Variants in MYH11 observed in about 807,000 individuals in gnomAD.
MYH11 encodes myosin-11.
A neutral mutation model predicts 246.6 loss-of-function variants in MYH11; 80 were observed. That is an observed-to-expected ratio of 0.32 (90% confidence interval 0.27 to 0.39). MYH11 has a LOEUF of 0.39. MYH11 is among the 10% of genes least tolerant of loss of function. The probability of loss-of-function intolerance (pLI) is 1.00; values close to 1 mark genes in which losing one functional copy is unlikely to be tolerated. For synonymous variants in MYH11, 1,071 were observed against 1,015.5 expected, an observed-to-expected ratio of 1.05 and a Z score of -1.04; for missense variants, 2,158 against 2,546.8, an observed-to-expected ratio of 0.85 and a Z score of 3.29.
chr16:15,736,038 T>C (rs927762251), intron 25 of MYH11, among the ~76,000 whole-genome samples: 2 of 152,176 alleles, frequency 1.3e-5, no homozygotes, highest in Non-Finnish European at 2.9e-5. Flanking sequence ...AGACTGGGGC[T>C]CTGCATCTGG....
At chr16:15,706,525 T>C (rs1257356868) in intron 40 of MYH11, among the ~76,000 whole-genome samples, 1 of 152,142 alleles carries the variant, frequency 6.6e-6, no homozygotes, top group African/African-American at 2.4e-5. Context: ...CTGGCCAATA[T>C]GGTGAAACCC....
chr16:15,730,458 T>C (rs982198621), intron 27 of MYH11, among the ~76,000 whole-genome samples: 14 of 151,680 alleles, frequency 9.2e-5, no homozygotes, highest in Non-Finnish European at 1.6e-4. Context: ...AGGAGAATCA[T>C]TTGAACCCAG....
intron 4 of MYH11, among the ~76,000 whole-genome samples, 153 bp downstream of exon 4, chr16:15,798,507 A>C (rs926927832): frequency 6.6e-6 from 1 of 151,570 alleles, no homozygotes; most frequent in Non-Finnish European, 1.5e-5. Flanking sequence ...GAGCATCTAC[A>C]TGGTGCCAGG....
Position 15,703,567 on chromosome 16 carries a change from C to T in MYH11, c.*424G>A, listed in dbSNP as rs991022927. 6.0e-6 allele frequency: 2 copies of T among 335,644 alleles called. No individual in the cohort carries two copies. Among genetic ancestry groups the T allele is most frequent in the Non-Finnish European group, 1.1e-5 (2 of 178,198 alleles). The allele number at this position is 335,644 out of a possible 1,614,324, so 20.8% of individuals were successfully genotyped here. ...TACATCATACAAACTTCAATTTTTA[C>T]CTTGAATACAGGGGTAGTAGGGGTG... On this transcript the variant is annotated 3_prime_UTR_variant, in exon 41 of 41. Transcript: ENST00000300036.
Position 15,756,416 on chromosome 16 carries a change from G to C in MYH11, c.1674C>G (p.Gly558=). 1 of 1,614,172 alleles carries C rather than the reference G, an allele frequency of 6.2e-7. No individual in the cohort carries two copies. The highest frequency in any genetic ancestry group is 8.5e-7 in the Non-Finnish European group (1 of 1,180,034). Residue 558 remains glycine, a synonymous_variant, in exon 14 of 41, where the codon GGC becomes GGG. Transcript: ENST00000300036. Reference sequence around the variant, plus strand: ...TGGGCTTCTGGAACTTGGGGTGGCTGCCCTGCTCCGTGCACAGCTTCTCCA... The same window carrying C: ...TGGGCTTCTGGAACTTGGGGTGGCTCCCCTGCTCCGTGCACAGCTTCTCCA... ...SFVEKLCTEQ[G]SHPKFQKPKQ... is the part of the protein sequence containing the mutation.
intron 1 of MYH11, among the ~76,000 whole-genome samples, chr16:15,840,272 G>A (rs984038225): frequency 6.6e-6 from 1 of 152,068 alleles, no homozygotes; most frequent in Non-Finnish European, 1.5e-5. Flanking sequence ...ATATTACATC[G>A]TTTCCAAGAG....
At chr16:15,751,461 CCAT>C (rs377609666) in intron 15 of MYH11, among the ~76,000 whole-genome samples, 4,941 of 150,064 alleles carry the variant, frequency 0.033, 262 homozygotes, top group African/African-American at 0.11. Flanking sequence ...CCGCGCCCGG[CCAT>C]CATCATCATC....
rs1315691243 is a variant in MYH11 at position 15,703,337 on chromosome 16, G to A, written c.*654C>T. On this transcript the variant is annotated 3_prime_UTR_variant, in exon 41 of 41. Coordinates refer to ENST00000300036, the MANE Select transcript of MYH11 (RefSeq NM_002474.3). The stretch of plus-strand genomic sequence containing the variant: ...AATTCTCAAAGGCCTGACGTGAGAA[G>A]TTGGAAAGGTTTGCAGGTTAGGGAA... 3 of 232,332 alleles carry A rather than the reference G, an allele frequency of 1.3e-5. No individual in the cohort carries two copies. The Admixed American group carries it at 1.6e-4, about 12-fold the overall frequency. 14.4% of individuals were successfully genotyped at this position (232,332 alleles called of 1,614,324 possible). A position where few individuals can be genotyped will look rare whatever the true frequency, so the allele number is the denominator to read the frequency against.
intron 3 of MYH11, among the ~76,000 whole-genome samples, chr16:15,808,182 G>A (rs1474185438): frequency 6.6e-6 from 1 of 152,222 alleles, no homozygotes; most frequent in Non-Finnish European, 1.5e-5. Context: ...AGAGGTTCTG[G>A]ATCTTCTGTG....
intron 10 of MYH11, 55 bp downstream of exon 10, chr16:15,763,741 T>TCGCCCCCCCCCCCCCC: frequency 3.1e-6 from 2 of 646,844 alleles, no homozygotes; most frequent in Non-Finnish European, 5.8e-6. Flanking sequence ...AAATGTCACC[T>TCGCCCCCCCCCCCCCC]CCCCCACCCC....
At chr16:15,710,258 C>A (rs1199307306) in intron 40 of MYH11, among the ~76,000 whole-genome samples, 2 of 152,146 alleles carry the variant, frequency 1.3e-5, no homozygotes, top group Admixed American at 6.5e-5. Flanking sequence ...CATGGTGGCT[C>A]ACGCCTGTAA....
chr16:15,758,021 C>T (rs1418800819), intron 12 of MYH11, 21 bp from the exon 13 acceptor site: 19 of 1,612,766 alleles, frequency 1.2e-5, no homozygotes, highest in African/African-American at 8.0e-5. Context: ...GGCGTGGGGG[C>T]GGGGCGTGAG....
At chr16:15,839,869 G>T (rs1308965632) in intron 1 of MYH11, among the ~76,000 whole-genome samples, 1 of 151,922 alleles carries the variant, frequency 6.6e-6, no homozygotes, top group Non-Finnish European at 1.5e-5. Context: ...TGCCCAATGT[G>T]GTAAAACCCC....
chr16:15,778,890 C>T (rs756968950), intron 6 of MYH11, 47 bp from the exon 7 acceptor site: 26 of 1,586,968 alleles, frequency 1.6e-5, no homozygotes, highest in Non-Finnish European at 2.1e-5. Flanking sequence ...CAACTTCAGC[C>T]GTTAACCCCA....
Position 15,738,697 on chromosome 16 carries a change from G to A in MYH11, c.2998-9C>T. The A allele has an allele frequency of 6.2e-7, 1 of 1,613,156 alleles. No homozygotes were observed. The highest frequency in any genetic ancestry group is 8.5e-7 in the Non-Finnish European group (1 of 1,179,478). On this transcript the variant is annotated splice_polypyrimidine_tract_variant and intron_variant, in intron 23 of 40. Coordinates refer to ENST00000300036, the MANE Select transcript of MYH11 (RefSeq NM_002474.3). The stretch of plus-strand genomic sequence containing the variant: ...TCAAGGAGTTTTCGTTCCTTTTTGG[G>A]GAAAGAGAAAGAGATAGCTTTAGGA...
intron 15 of MYH11, among the ~76,000 whole-genome samples, chr16:15,753,188 G>A (rs1054393222): frequency 2.3e-4 from 35 of 152,028 alleles, no homozygotes; most frequent in African/African-American, 8.5e-4. Context: ...CAATCCCCTC[G>A]GGACATGTAG....
At chr16:15,821,105 C>T (rs1350581300) in intron 3 of MYH11, among the ~76,000 whole-genome samples, 2 of 152,310 alleles carry the variant, frequency 1.3e-5, no homozygotes, top group East Asian at 1.9e-4. Context: ...CTCATGACCT[C>T]GAGCAATCCA....
chr16:15,714,592 A>T, intron 40 of MYH11: 1 of 499,098 alleles, frequency 2.0e-6, no homozygotes, highest in East Asian at 3.6e-5. Flanking sequence ...GTGAAGACTC[A>T]GTGATGCAAT....
chr16:15,841,241 G>A (rs1295285055), intron 1 of MYH11, among the ~76,000 whole-genome samples: 1 of 152,162 alleles, frequency 6.6e-6, no homozygotes, highest in African/African-American at 2.4e-5. Context: ...GGGTTCAAGC[G>A]ATTCTCCTGC....
Sources: allele counts gnomAD v4.1 joint callset (sites outside exome capture counted in the v4.1 genomes callset), GRCh38; gene constraint gnomAD v4.1.1; transcripts MANE v1.5; gene names NCBI Gene and HGNC (gene_info 2026-07-23, HGNC 2026-07-21).